Variants in NEDD4 observed in about 807,000 individuals in gnomAD.
NEDD4 encodes the protein E3 ubiquitin-protein ligase NEDD4.
In NEDD4, 99 loss-of-function variants were observed where a neutral mutation model predicts 144.9. The observed-to-expected ratio is 0.68, with a 90% CI of 0.58 to 0.81. The LOEUF (loss-of-function observed/expected upper bound fraction) is 0.81. Among genes scored for constraint, NEDD4 ranks in the 30% least tolerant of loss-of-function variants. The pLI, the probability that NEDD4 is intolerant of heterozygous loss-of-function variation, is 0.00. For missense variants in NEDD4, 985 were observed against 1,065.9 expected, an observed-to-expected ratio of 0.92 and a Z score of 1.06; for synonymous variants, 318 against 350.6, an observed-to-expected ratio of 0.91 and a Z score of 1.04.
At chr15:55,894,619 T>C (rs2035681896) in intron 5 of NEDD4, among the ~76,000 whole-genome samples, 1 of 152,192 alleles carries the variant, frequency 6.6e-6, no homozygotes. Flanking sequence ...CAGTTTCACT[T>C]TGAGTTATTG....
At chr15:55,924,474 A>G (rs1369219332) in intron 5 of NEDD4, 172 bp downstream of exon 5, 2 of 589,392 alleles carry the variant, frequency 3.4e-6, no homozygotes, top group Non-Finnish European at 6.1e-6. Flanking sequence ...AAAGGGAGCG[A>G]GTAGGACCAG....
intron 1 of NEDD4, among the ~76,000 whole-genome samples, chr15:55,969,901 T>A (rs2037578736): frequency 6.7e-6 from 1 of 150,118 alleles, no homozygotes; most frequent in African/African-American, 2.5e-5. Flanking sequence ...AAAAAAAAAA[T>A]TGTCTGCAAC....
intron 5 of NEDD4, among the ~76,000 whole-genome samples, chr15:55,881,195 G>GC (rs2035182273): frequency 6.7e-6 from 1 of 150,138 alleles, no homozygotes; most frequent in Admixed American, 6.6e-5. Flanking sequence ...AGGCTGGAGT[G>GC]CAATGGCGTG....
chr15:55,917,533 T>C (rs2036486100), intron 5 of NEDD4, among the ~76,000 whole-genome samples: 1 of 152,054 alleles, frequency 6.6e-6, no homozygotes, highest in Non-Finnish European at 1.5e-5. Flanking sequence ...TTACAATGAA[T>C]TAAAACTTTA....
intron 2 of NEDD4, among the ~76,000 whole-genome samples, chr15:55,956,936 A>T (rs2037347533): frequency 6.6e-6 from 1 of 152,170 alleles, no homozygotes; most frequent in Non-Finnish European, 1.5e-5. Context: ...AAAACAGCAT[A>T]TGTATCCATT....
At chr15:55,892,266 CAATAAATAAATAAATAAATAAATA>C (rs138951402) in intron 5 of NEDD4, among the ~76,000 whole-genome samples, 1,679 of 138,172 alleles carry the variant, frequency 0.012, 37 homozygotes, top group African/African-American at 0.039. Flanking sequence ...AACTCCAACT[CAATAAATAAATAAATAAATAAATA>C]AATAAATAAA....
At chr15:55,909,870 T>A (rs1223307463) in intron 5 of NEDD4, among the ~76,000 whole-genome samples, 1 of 152,198 alleles carries the variant, frequency 6.6e-6, no homozygotes, top group Non-Finnish European at 1.5e-5. Flanking sequence ...CTCTATTTTG[T>A]CTCGTCTTAT....
In NEDD4 at chr15:55,830,016, G is replaced by A. The variant is rs745900526; in HGVS notation, c.2601-17C>T. 8.6e-5 allele frequency: 136 copies of A among 1,586,782 alleles called. No individual in the cohort carries two copies. Among genetic ancestry groups the A allele is most frequent in the Non-Finnish European group, 1.1e-4 (132 of 1,158,654 alleles). On this transcript the variant is annotated splice_polypyrimidine_tract_variant and intron_variant, in intron 28 of 28. Coordinates refer to ENST00000435532, the MANE Select transcript of NEDD4 (RefSeq NM_006154.4). ...CGATTAAAACTGAAAGAACAGAGAG[G>A]AAGTGGTTATGAAAGACACTGACAA...
At chr15:55,926,036 A>G (rs938186908) in intron 4 of NEDD4, among the ~76,000 whole-genome samples, 11 of 152,112 alleles carry the variant, frequency 7.2e-5, no homozygotes, top group Non-Finnish European at 1.6e-4. Context: ...CGTATGTATC[A>G]TATACATATA....
At chr15:55,951,138 A>G (rs1023620692) in intron 4 of NEDD4, among the ~76,000 whole-genome samples, 7 of 152,198 alleles carry the variant, frequency 4.6e-5, no homozygotes, top group African/African-American at 1.4e-4. Context: ...CTGGAGTAAG[A>G]CTACTGTACA....
intron 18 of NEDD4, among the ~76,000 whole-genome samples, chr15:55,846,746 T>G (rs2033763118): frequency 6.6e-6 from 1 of 152,210 alleles, no homozygotes; most frequent in Non-Finnish European, 1.5e-5. Context: ...TAAATGCCAT[T>G]TTTCTATATT....
chr15:55,907,971 A>G (rs1289813929), intron 5 of NEDD4, among the ~76,000 whole-genome samples: 2 of 152,164 alleles, frequency 1.3e-5, no homozygotes, highest in Admixed American at 6.5e-5. Context: ...ATAATATTCC[A>G]TTGGCATTCA....
rs577074455 is a variant in NEDD4 at position 55,967,418 on chromosome 15, TAAA to T, written c.46-875_46-873del. On this transcript the variant is annotated intron_variant, in intron 1 of 28. Coordinates refer to ENST00000435532, the MANE Select transcript of NEDD4 (RefSeq NM_006154.4). Reference sequence around the variant, plus strand: ...ACTTATTTTCAAATAACTTAGCAAATAAAAAACTGAACATAACTATGCTGTGTG... The same window carrying T: ...ACTTATTTTCAAATAACTTAGCAAATAAACTGAACATAACTATGCTGTGTG... Among the ~76,000 whole-genome samples, 400 of 149,874 alleles carry T rather than the reference TAAA, an allele frequency of 2.7e-3. 1 individual carries two copies. The highest frequency in any genetic ancestry group is 7.5e-3 in the African/African-American group (305 of 40,688).
chr15:55,922,760 T>C (rs1213121021), intron 5 of NEDD4, among the ~76,000 whole-genome samples: 5 of 152,100 alleles, frequency 3.3e-5, no homozygotes, highest in Non-Finnish European at 7.4e-5. Context: ...CTAGTACTTG[T>C]GGAGGAAGAA....
intron 2 of NEDD4, among the ~76,000 whole-genome samples, chr15:55,965,750 A>G (rs113602535): frequency 0.13 from 20,415 of 152,052 alleles, 1,486 homozygotes; most frequent in East Asian, 0.32. Context: ...TGCCCAGGCT[A>G]GAGTGCAGTG....
intron 23 of NEDD4, 74 bp downstream of exon 23, chr15:55,838,033 G>A: frequency 9.8e-7 from 1 of 1,019,702 alleles, no homozygotes; most frequent in South Asian, 1.5e-5. Context: ...GACAGAGAAA[G>A]ATGGTAAGAA....
chr15:55,862,339 G>T (rs2034438834), intron 9 of NEDD4, among the ~76,000 whole-genome samples: 1 of 151,866 alleles, frequency 6.6e-6, no homozygotes, highest in African/African-American at 2.4e-5. Flanking sequence ...ATGAATAATG[G>T]GAGATTTTAT....
At chr15:55,859,402 T>G (rs2034315616) in intron 11 of NEDD4, among the ~76,000 whole-genome samples, 1 of 152,118 alleles carries the variant, frequency 6.6e-6, no homozygotes, top group South Asian at 2.1e-4. Flanking sequence ...GATATAATGT[T>G]AAAACTTCAG....
In NEDD4 at chr15:55,827,663, GC is replaced by G. The variant is rs1489061550; in HGVS notation, c.*2233del. 1.1e-4 allele frequency: 17 copies of G among 152,236 alleles called. No homozygotes were observed. The highest frequency in any genetic ancestry group is 3.6e-4 in the African/African-American group (15 of 41,534). The allele number at this position is 152,236 out of a possible 1,614,324, so 9.4% of individuals were successfully genotyped here. A position where few individuals can be genotyped will look rare whatever the true frequency, so the allele number is the denominator to read the frequency against. ...CATTGGCCCACATTACTATTACTTT[GC>G]TGATATGAAGAAAATGAATTATGAT... On this transcript the variant is annotated 3_prime_UTR_variant, in exon 29 of 29. Transcript: ENST00000435532.
Sources: gnomAD v4.1 joint callset for allele counts (sites outside exome capture counted in the v4.1 genomes callset) on GRCh38, gnomAD v4.1.1 for gene constraint, MANE v1.5 for transcripts, NCBI Gene and HGNC (gene_info 2026-07-23, HGNC 2026-07-21) for gene names.